Variants in FOXO3 observed in about 807,000 individuals in gnomAD.
FOXO3 encodes the protein forkhead box O3, also known as forkhead box protein O3.
In FOXO3, 4 loss-of-function variants were observed where a neutral mutation model predicts 41.9. The ratio of observed to expected loss-of-function variants is 0.10; its 90% CI spans 0.05 to 0.22. The LOEUF (loss-of-function observed/expected upper bound fraction) is 0.22, where lower values mean the gene tolerates loss of function less well. Ranked by LOEUF, FOXO3 falls within the 10% of genes least tolerant of loss-of-function variation. The probability of loss-of-function intolerance (pLI) is 1.00; values close to 1 mark genes in which losing one functional copy is unlikely to be tolerated. For missense variants in FOXO3, 534 were observed against 906.8 expected (o/e 0.59, Z 5.28); for synonymous variants, 318 against 389.3 (o/e 0.82, Z 2.16).
At chr6:108,660,626 G>A (rs768657031) in intron 1 of FOXO3, among the ~76,000 whole-genome samples, 1 of 152,210 alleles carries the variant, frequency 6.6e-6, no homozygotes, top group Non-Finnish European at 1.5e-5. Context: ...CAGCACTTGG[G>A]TGGGGAGGCC....
intron 1 of FOXO3, among the ~76,000 whole-genome samples, chr6:108,620,306 T>C (rs559321601): frequency 6.6e-6 from 1 of 152,228 alleles, no homozygotes; most frequent in Non-Finnish European, 1.5e-5. Context: ...TCATTTTCCC[T>C]TAACACTTTA....
chr6:108,589,379 C>A (rs747817032), intron 1 of FOXO3, among the ~76,000 whole-genome samples: 1 of 152,158 alleles, frequency 6.6e-6, no homozygotes, highest in South Asian at 2.1e-4. Context: ...AAGCACAACC[C>A]GAATCTTTGT....
In FOXO3 at chr6:108,664,862, A is replaced by G; in HGVS notation, c.*7A>G. 1 of 1,588,770 alleles carries G rather than the reference A, an allele frequency of 6.3e-7. No homozygotes were observed. The highest frequency in any genetic ancestry group is 8.6e-7 in the Non-Finnish European group (1 of 1,167,686). ...GAGCTGGGTGCCAGGCTGAAGGATC[A>G]CTGAGGAAGGGGAAGTGGGCAAAGC... On this transcript the variant is annotated 3_prime_UTR_variant, in exon 2 of 3. Coordinates refer to ENST00000406360, the MANE Select transcript of FOXO3 (RefSeq NM_001455.4).
At chr6:108,599,259 T>C (rs545658029) in intron 1 of FOXO3, among the ~76,000 whole-genome samples, 1 of 152,364 alleles carries the variant, frequency 6.6e-6, no homozygotes, top group Non-Finnish European at 1.5e-5. Context: ...GGCTAATTTA[T>C]TAAAATTAAA....
upstream of FOXO3, chr6:108,560,868 G>C: frequency 1.2e-6 from 1 of 848,834 alleles, no homozygotes; most frequent in South Asian, 3.7e-5. Context: ...GCTGCCCCGC[G>C]CGAGGCCGTC....
At chr6:108,674,997 A>G (rs1770527150) in intron 2 of FOXO3, among the ~76,000 whole-genome samples, 1 of 152,140 alleles carries the variant, frequency 6.6e-6, no homozygotes. Context: ...ACAGTAAATC[A>G]ATACCTGTCA....
chr6:108,651,214 G>A (rs893316733), intron 1 of FOXO3, among the ~76,000 whole-genome samples: 5 of 152,140 alleles, frequency 3.3e-5, no homozygotes, highest in Non-Finnish European at 7.3e-5. Context: ...GCCAACATGG[G>A]GTATTCTGGT....
intron 1 of FOXO3, among the ~76,000 whole-genome samples, chr6:108,599,282 G>T (rs1234287433): frequency 6.6e-6 from 1 of 152,094 alleles, no homozygotes; most frequent in Non-Finnish European, 1.5e-5. Flanking sequence ...ATCTTGCTAG[G>T]TATTAACTTT....
At chr6:108,628,074 G>A (rs62428909) in intron 1 of FOXO3, among the ~76,000 whole-genome samples, 9,709 of 152,150 alleles carry the variant, frequency 0.064, 454 homozygotes, top group Non-Finnish European at 0.1. Context: ...CATTGTGCAG[G>A]TTTAGTGAAG....
At chr6:108,640,486 T>C (rs148508179) in intron 1 of FOXO3, among the ~76,000 whole-genome samples, 48 of 151,994 alleles carry the variant, frequency 3.2e-4, no homozygotes, top group African/African-American at 1.1e-3. Flanking sequence ...TTAAATAAAT[T>C]CACAAAGATC....
At chr6:108,584,188 G>A (rs1192979907) in intron 1 of FOXO3, among the ~76,000 whole-genome samples, 1 of 152,216 alleles carries the variant, frequency 6.6e-6, no homozygotes, top group Admixed American at 6.5e-5. Flanking sequence ...TATAGTGGGT[G>A]ATAGGGATAT....
At position 108,663,947 on chromosome 6, in the gene FOXO3, A is replaced by G. The variant is rs771872913; in HGVS notation, c.1114A>G (p.Met372Val). ...GGTGGAACTGCCACGGCTGACTGAT[A>G]TGGCAGGCACCATGAATCTGAATGA... ...CTVELPRLTDMAGTMNLNDGL... is the reference protein window; with the variant it reads ...CTVELPRLTDVAGTMNLNDGL... Residue 372 changes from methionine (M) to valine (V), a missense_variant, in exon 2 of 3, where the codon ATG becomes GTG. Transcript: ENST00000406360. 3.1e-6 allele frequency: 5 copies of G among 1,614,208 alleles called. No individual in the cohort carries two copies. In the Admixed American group the frequency reaches 5.0e-5, roughly 16 times the overall value.
At chr6:108,585,020 A>ATTTTTTTT (rs1562233938) in intron 1 of FOXO3, among the ~76,000 whole-genome samples, 1 of 43,428 alleles carries the variant, frequency 2.3e-5, no homozygotes, top group East Asian at 7.5e-4. Context: ...TATCTCCAAA[A>ATTTTTTTT]TCTTTTTTTT....
intron 1 of FOXO3, among the ~76,000 whole-genome samples, chr6:108,579,341 G>C (rs1334265312): frequency 4.6e-5 from 7 of 152,176 alleles, no homozygotes; most frequent in Non-Finnish European, 1.0e-4. Flanking sequence ...TCCTGGGAAG[G>C]GTCAAGAAGG....
chr6:108,598,930 G>C (rs1040468454), intron 1 of FOXO3, among the ~76,000 whole-genome samples: 1 of 152,142 alleles, frequency 6.6e-6, no homozygotes, highest in African/African-American at 2.4e-5. Flanking sequence ...GGCCGGCAAG[G>C]AGTTTCTCTA....
At chr6:108,675,413 G>C (rs1455167622) in intron 2 of FOXO3, among the ~76,000 whole-genome samples, 1 of 152,176 alleles carries the variant, frequency 6.6e-6, no homozygotes, top group Non-Finnish European at 1.5e-5. Flanking sequence ...TTCCCAGACT[G>C]GTTCACCTGC....
At chr6:108,594,075 GT>G (rs1297159629) in intron 1 of FOXO3, among the ~76,000 whole-genome samples, 4 of 152,038 alleles carry the variant, frequency 2.6e-5, no homozygotes, top group Non-Finnish European at 4.4e-5. Context: ...AAACTTTGAG[GT>G]TTCTTAAAAC....
chr6:108,681,249 C>T lies in FOXO3; in HGVS notation c.*1457C>T, dbSNP rs1397020837. The T allele has an allele frequency of 6.6e-6, 1 of 152,656 alleles. No homozygotes were observed. Among genetic ancestry groups the T allele is most frequent in the African/African-American group, 2.4e-5 (1 of 41,448 alleles). The allele number at this position is 152,656 out of a possible 1,614,324, so 9.5% of individuals were successfully genotyped here. A position where few individuals can be genotyped will look rare whatever the true frequency, so the allele number is the denominator to read the frequency against. On this transcript the variant is annotated 3_prime_UTR_variant, in exon 3 of 3. Transcript: ENST00000406360. ...TGATTAGCACAGTATATGCATACTT[C>T]TCCAAAGTGATATATGAAGACTCTT...
At chr6:108,588,926 C>CT (rs1776659845) in intron 1 of FOXO3, among the ~76,000 whole-genome samples, 1 of 152,208 alleles carries the variant, frequency 6.6e-6, no homozygotes, top group Non-Finnish European at 1.5e-5. Context: ...AATACTTACA[C>CT]TTTTTGATGG....
Sources: allele counts gnomAD v4.1 joint callset (sites outside exome capture counted in the v4.1 genomes callset), GRCh38; gene constraint gnomAD v4.1.1; transcripts MANE v1.5; gene names NCBI Gene and HGNC (gene_info 2026-07-23, HGNC 2026-07-21).